DNAJC1: variants seen among roughly 807,000 people sequenced by gnomAD.
DNAJC1 encodes the protein DnaJ heat shock protein family (Hsp40) member C1, also known as dnaJ homolog subfamily C member 1.
DNAJC1 carries 58 observed loss-of-function variants against 76.6 expected under a neutral mutation model. The ratio of observed to expected loss-of-function variants is 0.76; its 90% CI spans 0.61 to 0.94. DNAJC1 has a LOEUF of 0.94. DNAJC1 is among the 40% of genes least tolerant of loss of function. DNAJC1 has a pLI of 0.00. For missense variants in DNAJC1, 689 were observed against 677.3 expected, an observed-to-expected ratio of 1.02 and a Z score of -0.19; for synonymous variants, 258 against 267.9, an observed-to-expected ratio of 0.96 and a Z score of 0.36.
At chr10:21,987,593 T>C (rs1350925622) in intron 1 of DNAJC1, among the ~76,000 whole-genome samples, 1 of 152,174 alleles carries the variant, frequency 6.6e-6, no homozygotes, top group Non-Finnish European at 1.5e-5. Flanking sequence ...ACAAATCTAC[T>C]TCATTTAACC....
At chr10:21,913,699 GT>G (rs1185147254) in intron 6 of DNAJC1, among the ~76,000 whole-genome samples, 1 of 152,128 alleles carries the variant, frequency 6.6e-6, no homozygotes, top group Non-Finnish European at 1.5e-5. Flanking sequence ...AAGAAGATTG[GT>G]TTTTGTCAGA....
At chr10:21,856,272 T>C (rs1835831275) in intron 8 of DNAJC1, among the ~76,000 whole-genome samples, 1 of 152,182 alleles carries the variant, frequency 6.6e-6, no homozygotes, top group Non-Finnish European at 1.5e-5. Context: ...ATATGCATCA[T>C]TAAAAATTAA....
intron 8 of DNAJC1, among the ~76,000 whole-genome samples, chr10:21,827,896 A>C (rs948542630): frequency 9.2e-5 from 14 of 152,178 alleles, no homozygotes; most frequent in Admixed American, 3.3e-4. Flanking sequence ...AGCATGCTGC[A>C]ATGAACATCT....
chr10:21,878,416 C>G (rs903092033), intron 8 of DNAJC1, among the ~76,000 whole-genome samples: 3 of 152,178 alleles, frequency 2.0e-5, no homozygotes, highest in African/African-American at 7.2e-5. Context: ...GTTGATTTTA[C>G]ACAGTTATGA....
chr10:21,973,180 C>T (rs775607682), intron 1 of DNAJC1, among the ~76,000 whole-genome samples: 7 of 151,940 alleles, frequency 4.6e-5, no homozygotes, highest in Non-Finnish European at 1.0e-4. Context: ...TTTCTATGAC[C>T]AAAGAAGAAA....
intron 3 of DNAJC1, among the ~76,000 whole-genome samples, chr10:21,923,967 T>G (rs1300170826): frequency 6.6e-6 from 1 of 152,054 alleles, no homozygotes; most frequent in Middle Eastern, 3.2e-3. Context: ...ATTTAAATAA[T>G]TCTAGCATGT....
chr10:21,910,620 G>A (rs1314405310), intron 6 of DNAJC1, among the ~76,000 whole-genome samples: 7 of 151,924 alleles, frequency 4.6e-5, no homozygotes, highest in Admixed American at 6.6e-5. Flanking sequence ...ATGAGAATAC[G>A]TGGACACAAG....
chr10:21,892,625 C>T (rs1836478348), intron 7 of DNAJC1, among the ~76,000 whole-genome samples: 1 of 151,552 alleles, frequency 6.6e-6, no homozygotes, highest in African/African-American at 2.4e-5. Context: ...TATATATATG[C>T]TATCTATAAC....
At chr10:21,994,110 A>G (rs1838375108) in intron 1 of DNAJC1, among the ~76,000 whole-genome samples, 1 of 152,218 alleles carries the variant, frequency 6.6e-6, no homozygotes, top group Admixed American at 6.5e-5. Context: ...TCTTTTTATC[A>G]ATACAAAGTA....
At chr10:21,925,679 T>C (rs1486859410) in intron 3 of DNAJC1, among the ~76,000 whole-genome samples, 3 of 152,190 alleles carry the variant, frequency 2.0e-5, no homozygotes, top group Non-Finnish European at 4.4e-5. Context: ...AGAAGCCAGA[T>C]ACAAAAAACT....
chr10:21,990,324 A>G (rs1173605932), intron 1 of DNAJC1, among the ~76,000 whole-genome samples: 1 of 152,182 alleles, frequency 6.6e-6, no homozygotes. Context: ...GCCTTGGTAC[A>G]TATCTAAAGA....
In DNAJC1 at chr10:21,766,275, A is replaced by G; in HGVS notation, c.1133T>C (p.Val378Ala). ...TATGAACTCACCTGGGGAGCAGGTC[A>G]CTGAATCCTTCAGTTGCTTGGCTTT... ...TTKAKQLKDS[V>A]TCSPGMVRLS... The change falls in exon 10 of 12, where the codon GTG (valine) becomes GCG (alanine). Residue 378 changes from valine to alanine, a missense_variant. By Grantham distance (64) the Val-to-Ala change is moderately conservative. Transcript: ENST00000376980. 1.2e-6 allele frequency: 2 copies of G among 1,613,700 alleles called. No individual in the cohort carries two copies. The highest frequency in any genetic ancestry group is 2.7e-5 in the African/African-American group (2 of 75,038).
intron 8 of DNAJC1, among the ~76,000 whole-genome samples, chr10:21,834,502 C>T (rs1050280364): frequency 1.3e-4 from 20 of 152,146 alleles, no homozygotes; most frequent in Admixed American, 2.0e-4. Flanking sequence ...GCACCGTACG[C>T]GAGCCGAAGC....
At chr10:21,885,858 C>A (rs898859099) in intron 7 of DNAJC1, among the ~76,000 whole-genome samples, 1 of 152,072 alleles carries the variant, frequency 6.6e-6, no homozygotes, top group Non-Finnish European at 1.5e-5. Context: ...AAATTCATAG[C>A]GCTAAATGCC....
At chr10:21,942,602 C>T (rs1238209135) in intron 1 of DNAJC1, among the ~76,000 whole-genome samples, 5 of 151,744 alleles carry the variant, frequency 3.3e-5, no homozygotes, top group African/African-American at 9.7e-5. Flanking sequence ...GTAAGGAGAT[C>T]GAGACCTTCC....
At chr10:21,834,882 T>C (rs1449613233) in intron 8 of DNAJC1, among the ~76,000 whole-genome samples, 8 of 152,196 alleles carry the variant, frequency 5.3e-5, no homozygotes, top group Non-Finnish European at 1.0e-4. Context: ...CCTACCTCTG[T>C]AGGCTCCACC....
At chr10:21,962,684 G>A (rs1447578216) in intron 1 of DNAJC1, among the ~76,000 whole-genome samples, 5 of 139,954 alleles carry the variant, frequency 3.6e-5, no homozygotes, top group Non-Finnish European at 6.1e-5. Context: ...GGTTATTGCC[G>A]TGTTGCCCAG....
chr10:21,846,678 ATTT>A (rs1423487229), intron 8 of DNAJC1, among the ~76,000 whole-genome samples: 2 of 152,128 alleles, frequency 1.3e-5, no homozygotes, highest in Admixed American at 6.5e-5. Flanking sequence ...AAGACAGAAA[ATTT>A]AAAAGCCAGC....
intron 8 of DNAJC1, among the ~76,000 whole-genome samples, chr10:21,874,182 G>A (rs931800926): frequency 4.4e-4 from 67 of 152,338 alleles, no homozygotes; most frequent in African/African-American, 1.5e-3. Flanking sequence ...TTGGGAGGCC[G>A]AAGAGGGAGG....
Sources: gnomAD v4.1 joint callset for allele counts (sites outside exome capture counted in the v4.1 genomes callset) on GRCh38, gnomAD v4.1.1 for gene constraint, MANE v1.5 for transcripts, NCBI Gene and HGNC (gene_info 2026-07-23, HGNC 2026-07-21) for gene names.